CD200: variants seen among roughly 807,000 people sequenced by gnomAD.
CD200 encodes the protein OX-2 membrane glycoprotein.
CD200 carries 15 observed loss-of-function variants against 30.9 expected under a neutral mutation model. The ratio of observed to expected loss-of-function variants is 0.49; its 90% CI spans 0.32 to 0.75. The LOEUF (loss-of-function observed/expected upper bound fraction) is 0.75. Among genes scored for constraint, CD200 ranks in the 30% least tolerant of loss-of-function variants. The pLI is 0.03. For missense variants in CD200, 262 were observed against 324.2 expected (o/e 0.81, Z 1.47); for synonymous variants, 134 against 126.2 (o/e 1.06, Z -0.41).
chr3:112,345,184 T>A lies in CD200; in HGVS notation c.317T>A (p.Ile106Asn), dbSNP rs759866532. ...CAGCTGGGACTCCAAAACTCAACCA[T>A]CACCTTCTGGAATATCACCCTGGAG... is the stretch of plus-strand genomic sequence containing the variant. ...ITQLGLQNST[I>N]TFWNITLEDE... Residue 106 changes from isoleucine to asparagine, a missense_variant, in exon 3 of 6, where the codon ATC becomes AAC. Transcript: ENST00000315711. 1 of 1,614,088 alleles carries A rather than the reference T, an allele frequency of 6.2e-7. No homozygotes were observed. The highest frequency in any genetic ancestry group is 1.7e-5 in the Admixed American group (1 of 60,008).
rs201943034 is a variant in CD200, at chr3:112,347,849, G to C, written c.694+19G>C. 8 of 1,606,646 alleles carry C rather than the reference G, an allele frequency of 5.0e-6. No homozygotes were observed. The highest frequency in any genetic ancestry group is 6.8e-6 in the Non-Finnish European group (8 of 1,176,992). On this transcript the variant is annotated intron_variant, in intron 4 of 5. Coordinates refer to ENST00000315711, the MANE Select transcript of CD200 (RefSeq NM_005944.7). ...AACAAAGGTAAGAGAAAGTGAGCAAGGTGGCTGTGGTTGTGTCTGTGTGCA... is the reference window on the plus strand; with the variant it reads ...AACAAAGGTAAGAGAAAGTGAGCAACGTGGCTGTGGTTGTGTCTGTGTGCA...
intron 5 of CD200, among the ~76,000 whole-genome samples, chr3:112,354,073 T>C (rs1220518315): frequency 6.6e-6 from 1 of 152,200 alleles, no homozygotes; most frequent in African/African-American, 2.4e-5. Flanking sequence ...ACAAAACCCT[T>C]AGCAAACAGA....
intron 3 of CD200, among the ~76,000 whole-genome samples, chr3:112,346,338 T>C (rs1408473070): frequency 1.3e-5 from 2 of 152,052 alleles, no homozygotes; most frequent in African/African-American, 4.8e-5. Context: ...TTCTGTTCCT[T>C]TTTATTCTCT....
intron 1 of CD200, among the ~76,000 whole-genome samples, chr3:112,338,393 T>C (rs772225729): frequency 7.2e-5 from 11 of 152,230 alleles, no homozygotes; most frequent in African/African-American, 1.2e-4. Context: ...CATTCCTTCA[T>C]GTTTTTTTTA....
chr3:112,339,297 A>ATTT (rs2081187633), intron 1 of CD200, among the ~76,000 whole-genome samples: 1 of 152,228 alleles, frequency 6.6e-6, no homozygotes, highest in Admixed American at 6.5e-5. Flanking sequence ...AAATTTTGCA[A>ATTT]TACCAAGAGC....
intron 2 of CD200, among the ~76,000 whole-genome samples, chr3:112,342,330 T>TTCCTTCC (rs1559783110): frequency 7.5e-5 from 3 of 40,160 alleles, no homozygotes; most frequent in Admixed American, 2.3e-4. Context: ...TCTTTCTTTC[T>TTCCTTCC]TTCTTTCCTT....
At chr3:112,352,926 G>C (rs1282657763) in intron 5 of CD200, among the ~76,000 whole-genome samples, 1 of 152,106 alleles carries the variant, frequency 6.6e-6, no homozygotes, top group Non-Finnish European at 1.5e-5. Flanking sequence ...CCATTTTTCT[G>C]CACCACTCCT....
chr3:112,356,873 C>T (rs535066576), intron 5 of CD200, among the ~76,000 whole-genome samples: 2 of 152,314 alleles, frequency 1.3e-5, no homozygotes, highest in South Asian at 4.1e-4. Context: ...CCTGTGCCTC[C>T]TTTTCCTCAC....
intron 1 of CD200, among the ~76,000 whole-genome samples, chr3:112,334,632 A>C (rs1008595832): frequency 1.3e-5 from 2 of 151,718 alleles, no homozygotes; most frequent in Non-Finnish European, 2.9e-5. Context: ...AGGTAAAATG[A>C]TTTCTTTTGC....
rs535797292 is a variant in CD200, at chr3:112,347,092, G to A, written c.422-466G>A. 3.7e-4 allele frequency among the ~76,000 whole-genome samples: 56 copies of A among 152,252 alleles called. No individual in the cohort carries two copies. In the South Asian group the frequency reaches 6.2e-3, roughly 17 times the overall value. ...ATCTCTAAGCAGTAGCCTTTCTATG[G>A]GCTCTCTGTTCCAAAACTGCCCTAG... On this transcript the variant is annotated intron_variant, in intron 3 of 5. Transcript: ENST00000315711.
intron 3 of CD200, among the ~76,000 whole-genome samples, chr3:112,346,006 G>A (rs1239264589): frequency 6.6e-6 from 1 of 152,136 alleles, no homozygotes; most frequent in Non-Finnish European, 1.5e-5. Flanking sequence ...AGGGAGTAGA[G>A]GACAAACTTA....
intron 1 of CD200, among the ~76,000 whole-genome samples, chr3:112,337,436 C>T (rs762342928): frequency 1.3e-5 from 2 of 151,816 alleles, no homozygotes; most frequent in African/African-American, 4.8e-5. Context: ...TTGCGTGGTG[C>T]GTTTAGAAGT....
chr3:112,340,779 C>T (rs1199226562), intron 1 of CD200, 123 bp from the exon 2 acceptor site: 4 of 658,710 alleles, frequency 6.1e-6, no homozygotes, highest in Non-Finnish European at 1.1e-5. Context: ...TCCCACAAAA[C>T]CAAAATTCTC....
At chr3:112,348,041 C>T (rs925669399) in intron 4 of CD200, among the ~76,000 whole-genome samples, 2 of 152,150 alleles carry the variant, frequency 1.3e-5, no homozygotes, top group Non-Finnish European at 2.9e-5. Context: ...GCCCACACAC[C>T]AAATGCTGTT....
intron 1 of CD200, among the ~76,000 whole-genome samples, chr3:112,335,197 T>C (rs577581010): frequency 3.7e-4 from 57 of 152,132 alleles, no homozygotes; most frequent in Non-Finnish European, 7.3e-4. Context: ...TATCGAGTTA[T>C]ATATTTTTTT....
In CD200 at chr3:112,345,139, A is replaced by G. The variant is rs1310862377; in HGVS notation, c.272A>G (p.Lys91Arg). 1 of 1,614,026 alleles carries G rather than the reference A, an allele frequency of 6.2e-7. No homozygotes were observed. The highest frequency in any genetic ancestry group is 1.3e-5 in the African/African-American group (1 of 74,920). Residue 91 changes from lysine to arginine, a missense_variant, in exon 3 of 6, where the codon AAG becomes AGG. By Grantham distance (26) the Lys-to-Arg change is conservative. Transcript: ENST00000315711. ...NHGVVIQPAY[K>R]DKINITQLGL... ...GGGGTGGTGATCCAGCCTGCCTATAAGGACAAGATAAACATTACCCAGCTG... is the reference window on the plus strand; with the variant it reads ...GGGGTGGTGATCCAGCCTGCCTATAGGGACAAGATAAACATTACCCAGCTG...
chr3:112,340,796 G>T, intron 1 of CD200, 106 bp from the exon 2 acceptor site: 2 of 737,098 alleles, frequency 2.7e-6, no homozygotes, highest in African/African-American at 1.8e-5. Flanking sequence ...TCTCTGGGGG[G>T]TAAAAACTTA....
intron 5 of CD200, among the ~76,000 whole-genome samples, chr3:112,357,275 G>A (rs67336847): frequency 0.28 from 38,001 of 134,626 alleles, 6,073 homozygotes; most frequent in Non-Finnish European, 0.36. Context: ...AAAAAAAAAA[G>A]AAAGAAAGAA....
At chr3:112,343,294 A>G (rs1177903603) in intron 2 of CD200, among the ~76,000 whole-genome samples, 4 of 151,692 alleles carry the variant, frequency 2.6e-5, no homozygotes, top group Admixed American at 2.6e-4. Flanking sequence ...ATATAAATAT[A>G]TATTGTTTTT....
Sources: allele counts gnomAD v4.1 joint callset (sites outside exome capture counted in the v4.1 genomes callset), GRCh38; gene constraint gnomAD v4.1.1; transcripts MANE v1.5; gene names NCBI Gene and HGNC (gene_info 2026-07-23, HGNC 2026-07-21).